The following CPE variants were observed in gnomAD, a reference collection of about 807,000 sequenced individuals.
The protein encoded by CPE is carboxypeptidase E.
Under a neutral mutation model 53.5 loss-of-function variants are expected in CPE, and 17 were observed. The observed-to-expected ratio is 0.32, with a 90% CI of 0.22 to 0.48. The LOEUF is 0.48. CPE is among the 20% of genes least tolerant of loss of function. The pLI, the probability that CPE is intolerant of heterozygous loss-of-function variation, is 0.99. For synonymous variants in CPE, 226 were observed against 228.8 expected (o/e 0.99, Z 0.11); for missense variants, 524 against 614.7 (o/e 0.85, Z 1.56).
chr4:165,442,817 C>A lies in CPE; in HGVS notation c.308-21573C>A, dbSNP rs73860756. Among the ~76,000 whole-genome samples the A allele has an allele frequency of 5.5e-3, 841 of 152,230 alleles. 8 individuals carry two copies. Among genetic ancestry groups the A allele is most frequent in the African/African-American group, 0.018 (746 of 41,538 alleles). On this transcript the variant is annotated intron_variant, in intron 1 of 8. Coordinates refer to ENST00000402744, the MANE Select transcript of CPE (RefSeq NM_001873.4). ...AATGGAATTGAGCCAACCTTTCATG[C>A]GTTCCTAGTTCTGATTCTGTGCCAT...
intron 5 of CPE, among the ~76,000 whole-genome samples, chr4:165,485,612 A>G (rs1266782479): frequency 6.6e-6 from 1 of 152,168 alleles, no homozygotes; most frequent in Non-Finnish European, 1.5e-5. Context: ...AAGTAATTTT[A>G]TACTTTAGTT....
chr4:165,413,070 G>A (rs1285022906), intron 1 of CPE, among the ~76,000 whole-genome samples: 1 of 152,172 alleles, frequency 6.6e-6, no homozygotes, highest in African/African-American at 2.4e-5. Context: ...TAGCTCTACA[G>A]GGCTTTTCTC....
At chr4:165,404,096 G>A (rs116681966) in intron 1 of CPE, 253 of 902,586 alleles carry the variant, frequency 2.8e-4, no homozygotes, top group African/African-American at 2.6e-3. Flanking sequence ...AGGGCTGTTA[G>A]TGTGGTCAGC....
chr4:165,381,600 G>A (rs1055808855), intron 1 of CPE: 1 of 203,202 alleles, frequency 4.9e-6, no homozygotes, highest in African/African-American at 2.4e-5. Flanking sequence ...AATACAAAAT[G>A]TCTGTGTCCC....
chr4:165,452,780 C>T (rs1731834173), intron 1 of CPE, among the ~76,000 whole-genome samples: 1 of 152,146 alleles, frequency 6.6e-6, no homozygotes, highest in Non-Finnish European at 1.5e-5. Context: ...TTTCCCAGTG[C>T]CTTCTTCCCA....
chr4:165,467,131 T>C (rs1732119288), intron 2 of CPE, among the ~76,000 whole-genome samples: 2 of 152,172 alleles, frequency 1.3e-5, no homozygotes, highest in Admixed American at 6.5e-5. Flanking sequence ...GAGACCAGCC[T>C]GAGCAACATA....
intron 1 of CPE, chr4:165,405,910 G>A (rs79928179): frequency 2.7e-6 from 2 of 731,550 alleles, no homozygotes; most frequent in Non-Finnish European, 2.6e-6. Flanking sequence ...GCATAAAATG[G>A]CAGGATCCAC....
intron 1 of CPE, among the ~76,000 whole-genome samples, chr4:165,443,899 T>A (rs1462178858): frequency 6.6e-6 from 1 of 152,142 alleles, no homozygotes; most frequent in Non-Finnish European, 1.5e-5. Flanking sequence ...GCCCTTACAA[T>A]GAGACCCCAG....
intron 2 of CPE, among the ~76,000 whole-genome samples, chr4:165,465,664 T>C (rs1029788302): frequency 6.6e-6 from 1 of 152,110 alleles, no homozygotes; most frequent in Admixed American, 6.5e-5. Flanking sequence ...TTCCAGATTG[T>C]ACCATTAGTT....
chr4:165,462,262 T>C (rs548843168), intron 1 of CPE, among the ~76,000 whole-genome samples: 1 of 152,350 alleles, frequency 6.6e-6, no homozygotes, highest in Non-Finnish European at 1.5e-5. Flanking sequence ...CAAAATATAC[T>C]GTGCTAGCTA....
chr4:165,436,899 C>T (rs1271836779), intron 1 of CPE, among the ~76,000 whole-genome samples: 3 of 152,112 alleles, frequency 2.0e-5, no homozygotes, highest in Non-Finnish European at 4.4e-5. Flanking sequence ...TAAAGGTTTA[C>T]CGAAAACCAC....
At chr4:165,479,075 G>A (rs979499025) in intron 3 of CPE, among the ~76,000 whole-genome samples, 6 of 152,096 alleles carry the variant, frequency 3.9e-5, no homozygotes, top group African/African-American at 9.7e-5. Context: ...ACAAAGAAGA[G>A]GAGGACTGAA....
intron 1 of CPE, among the ~76,000 whole-genome samples, chr4:165,394,271 T>A (rs1255332120): frequency 6.6e-6 from 1 of 152,230 alleles, no homozygotes. Context: ...AAGGAAGGAC[T>A]GTTCCATATA....
intron 1 of CPE, chr4:165,405,345 T>A: frequency 1.4e-6 from 2 of 1,425,836 alleles, no homozygotes; most frequent in Non-Finnish European, 2.0e-6. Flanking sequence ...TAGAGTCCCA[T>A]CAAGGCCTTT....
rs75883254 is a variant in CPE at position 165,452,091 on chromosome 4, G to C, written c.308-12299G>C. On this transcript the variant is annotated intron_variant, in intron 1 of 8. Transcript: ENST00000402744. ...AAATATGGCTTGTTGTCACATGTGT[G>C]CAAGAGCTAAAGTGGATCTCACAGA... Among the ~76,000 whole-genome samples, 300 of 152,204 alleles carry C rather than the reference G, an allele frequency of 2.0e-3. 10 individuals are homozygous for C. In the East Asian group the frequency reaches 0.057, roughly 29 times the overall value.
chr4:165,453,631 C>T (rs1355599754), intron 1 of CPE, among the ~76,000 whole-genome samples: 3 of 152,112 alleles, frequency 2.0e-5, no homozygotes, highest in Non-Finnish European at 2.9e-5. Context: ...GTGATCCTCC[C>T]GCCTTGGTTT....
intron 1 of CPE, among the ~76,000 whole-genome samples, chr4:165,455,038 A>G (rs1731878371): frequency 3.3e-5 from 5 of 152,226 alleles, no homozygotes. Context: ...CCACATAACT[A>G]TCTTGGAAAA....
In CPE at chr4:165,434,297, TA is replaced by T. The variant is rs199872895; in HGVS notation, c.308-30085del. On this transcript the variant is annotated intron_variant, in intron 1 of 8. Transcript: ENST00000402744. ...TAGTGGGCACTTAGCAAATATTTGC[TA>T]AAAAAAATACATTTAAATCTATAAT... Among the ~76,000 whole-genome samples, 993 of 152,036 alleles carry T rather than the reference TA, an allele frequency of 6.5e-3. 15 individuals are homozygous for T. The highest frequency in any genetic ancestry group is 0.021 in the African/African-American group (887 of 41,462).
At chr4:165,459,310 T>A (rs974700980) in intron 1 of CPE, among the ~76,000 whole-genome samples, 3 of 152,226 alleles carry the variant, frequency 2.0e-5, no homozygotes, top group Non-Finnish European at 4.4e-5. Flanking sequence ...TATTCTTATC[T>A]TATTCTGACG....
Sources: allele counts gnomAD v4.1 joint callset (sites outside exome capture counted in the v4.1 genomes callset), GRCh38; gene constraint gnomAD v4.1.1; transcripts MANE v1.5; gene names NCBI Gene and HGNC (gene_info 2026-07-23, HGNC 2026-07-21).